BCAS3: variants seen among roughly 807,000 people sequenced by gnomAD.
The protein encoded by BCAS3 is BCAS4/BCAS3 fusion.
Under a neutral mutation model 116.1 loss-of-function variants are expected in BCAS3, and 53 were observed. The observed-to-expected ratio is 0.46, with a 90% confidence interval of 0.37 to 0.57. BCAS3 has a LOEUF of 0.57. BCAS3 is among the 20% of genes least tolerant of loss of function. The pLI is 0.00. For missense variants in BCAS3, 917 were observed against 1,165.4 expected, an observed-to-expected ratio of 0.79 and a Z score of 3.10; for synonymous variants, 391 against 408.2, an observed-to-expected ratio of 0.96 and a Z score of 0.51.
At chr17:60,864,617 ACTTT>A (rs1369084526) in intron 7 of BCAS3, among the ~76,000 whole-genome samples, 3 of 152,152 alleles carry the variant, frequency 2.0e-5, no homozygotes, top group African/African-American at 7.2e-5. Flanking sequence ...AGCCTGTTTC[ACTTT>A]CTTCTCATTC....
At chr17:61,351,042 T>A (rs933765804) in intron 22 of BCAS3, among the ~76,000 whole-genome samples, 1 of 152,242 alleles carries the variant, frequency 6.6e-6, no homozygotes, top group African/African-American at 2.4e-5. Context: ...AGACCCATCA[T>A]ACGTACTTCA....
intron 22 of BCAS3, among the ~76,000 whole-genome samples, chr17:61,167,533 T>A (rs1349758365): frequency 6.6e-6 from 1 of 152,174 alleles, no homozygotes; most frequent in Non-Finnish European, 1.5e-5. Flanking sequence ...TCTGACACAA[T>A]CTAGCAGATG....
rs573433191 is a variant in BCAS3 at position 61,333,798 on chromosome 17, T to G, written c.2426-34529T>G. Among the ~76,000 whole-genome samples, 4 of 151,940 alleles carry G rather than the reference T, an allele frequency of 2.6e-5. No homozygotes were observed. In the East Asian group the frequency reaches 7.8e-4, roughly 30 times the overall value. On this transcript the variant is annotated intron_variant, in intron 22 of 23. Transcript: ENST00000407086. The surrounding 1 kb of genome is among the most constrained non-coding windows in gnomAD (Gnocchi z 4.8). Reference sequence around the variant, plus strand: ...ACCACACCCAGCTCATTTTTATATTTTCAGTAAAATGGGGTTTCACCATGT... The same window carrying G: ...ACCACACCCAGCTCATTTTTATATTGTCAGTAAAATGGGGTTTCACCATGT...
At chr17:61,334,176 T>G (rs902164311) in intron 22 of BCAS3, among the ~76,000 whole-genome samples, 2 of 152,140 alleles carry the variant, frequency 1.3e-5, no homozygotes, top group Non-Finnish European at 2.9e-5. Context: ...TGAGCTCATG[T>G]CAAAGCCATC....
intron 14 of BCAS3, among the ~76,000 whole-genome samples, chr17:60,989,065 AT>A (rs1479670547): frequency 6.6e-6 from 1 of 151,442 alleles, no homozygotes; most frequent in African/African-American, 2.4e-5. Context: ...CCATATATAT[AT>A]TTTCATGTTA....
intron 22 of BCAS3, among the ~76,000 whole-genome samples, chr17:61,310,017 G>A (rs2054171848): frequency 6.6e-6 from 1 of 152,230 alleles, no homozygotes. Context: ...TCCCAGCCAT[G>A]TGGCAAGAAT....
intron 7 of BCAS3, among the ~76,000 whole-genome samples, chr17:60,811,858 G>A (rs2048858365): frequency 6.6e-6 from 1 of 152,220 alleles, no homozygotes; most frequent in South Asian, 2.1e-4. Context: ...GAGCAGCCTG[G>A]GCAACATGGT....
chr17:61,075,319 A>G (rs554949050), intron 20 of BCAS3, among the ~76,000 whole-genome samples: 4 of 152,010 alleles, frequency 2.6e-5, no homozygotes, highest in African/African-American at 7.2e-5. Context: ...GAATCAATTA[A>G]TTTATTAATT....
At chr17:60,799,815 C>T (rs1212330700) in intron 6 of BCAS3, among the ~76,000 whole-genome samples, 1 of 146,414 alleles carries the variant, frequency 6.8e-6, no homozygotes, top group Non-Finnish European at 1.5e-5. Context: ...CTCGGCCTCC[C>T]AAAGTGCTGG....
At chr17:61,242,789 T>C (rs932759651) in intron 22 of BCAS3, among the ~76,000 whole-genome samples, 2 of 152,086 alleles carry the variant, frequency 1.3e-5, no homozygotes, top group Admixed American at 6.6e-5. Flanking sequence ...TAAAGATTAT[T>C]GCCTCCTTCA....
In BCAS3 at chr17:61,365,723, A is replaced by C. The variant is rs950786491; in HGVS notation, c.2426-2604A>C. Among the ~76,000 whole-genome samples, 3 of 152,190 alleles carry C rather than the reference A, an allele frequency of 2.0e-5. No individual in the cohort carries two copies. Among genetic ancestry groups the C allele is most frequent in the African/African-American group, 7.2e-5 (3 of 41,438 alleles). ...CCCACCTGCCTTGACCTCTGAACAC[A>C]GTAATGCAAACATTAACTGAGCTCC... On this transcript the variant is annotated intron_variant, in intron 22 of 23. Transcript: ENST00000407086. The surrounding 1 kb of genome is among the most constrained non-coding windows in gnomAD (Gnocchi z 4.6).
intron 12 of BCAS3, among the ~76,000 whole-genome samples, chr17:60,913,219 TTAAAAGTTAAGAATC>T (rs1319865262): frequency 6.6e-6 from 1 of 152,096 alleles, no homozygotes; most frequent in East Asian, 1.9e-4. Context: ...ATGTTAACTT[TTAAAAGTTAAGAATC>T]TTAAATGTTG....
intron 22 of BCAS3, among the ~76,000 whole-genome samples, chr17:61,184,389 G>A (rs889970564): frequency 6.6e-6 from 1 of 152,070 alleles, no homozygotes; most frequent in African/African-American, 2.4e-5. Flanking sequence ...TCTGTCATTA[G>A]TCATTGGGGA....
In BCAS3 at chr17:60,953,254, T is replaced by C. The variant is rs185522521; in HGVS notation, c.1221+5902T>C. ...AACAGTGTATAAGCGTTCCCTTTTC[T>C]CCACAACCTAAGGAGCATCTGTTAT... is the stretch of plus-strand genomic sequence containing the variant. On this transcript the variant is annotated intron_variant, in intron 14 of 23. Transcript: ENST00000407086. 1.1e-3 allele frequency among the ~76,000 whole-genome samples: 173 copies of C among 152,318 alleles called. 1 individual carries two copies. Among genetic ancestry groups the C allele is most frequent in the African/African-American group, 4.0e-3 (166 of 41,564 alleles).
chr17:60,792,062 G>A (rs1171434416), intron 6 of BCAS3, among the ~76,000 whole-genome samples: 3 of 152,330 alleles, frequency 2.0e-5, no homozygotes, highest in East Asian at 3.9e-4. Context: ...GGTGGAGGTT[G>A]CAGTGAGCCG....
rs2070537626 is a variant in BCAS3, at chr17:61,065,697, G to A, written c.2030-9223G>A. On this transcript the variant is annotated intron_variant, in intron 19 of 23. Transcript: ENST00000407086. The surrounding 1 kb of genome is among the most constrained non-coding windows in gnomAD (Gnocchi z 4.8). ...GTTTTATTGTTTGTGGAGGAAGGGT[G>A]GGGATATGGTAAAGAGTAGGAGAAA... 6.6e-6 allele frequency among the ~76,000 whole-genome samples: 1 copy of A among 152,152 alleles called. No individual in the cohort carries two copies. Among genetic ancestry groups the A allele is most frequent in the South Asian group, 2.1e-4 (1 of 4,822 alleles).
chr17:60,764,437 C>A (rs539308666), intron 6 of BCAS3, among the ~76,000 whole-genome samples: 9 of 152,078 alleles, frequency 5.9e-5, no homozygotes, highest in Non-Finnish European at 1.2e-4. Flanking sequence ...TTATTTCTGC[C>A]TTCATTTAGT....
chr17:61,299,579 C>G (rs1287889128), intron 22 of BCAS3, among the ~76,000 whole-genome samples: 1 of 151,966 alleles, frequency 6.6e-6, no homozygotes, highest in Admixed American at 6.6e-5. Context: ...GTTCATTGCC[C>G]AAAGAATCTC....
rs1351344975 is a variant in BCAS3 at position 61,352,953 on chromosome 17, T to C, written c.2426-15374T>C. Among the ~76,000 whole-genome samples, 2 of 152,220 alleles carry C rather than the reference T, an allele frequency of 1.3e-5. No individual in the cohort carries two copies. The highest frequency in any genetic ancestry group is 2.9e-5 in the Non-Finnish European group (2 of 68,040). On this transcript the variant is annotated intron_variant, in intron 22 of 23. Transcript: ENST00000407086. The surrounding 1 kb of genome is among the most constrained non-coding windows in gnomAD (Gnocchi z 4.7). Reference sequence around the variant, plus strand: ...TGTTAACCCCCGTCGCTGGAACTCATGTTAATGCCTAACACAAGGCTGGGA... The same window carrying C: ...TGTTAACCCCCGTCGCTGGAACTCACGTTAATGCCTAACACAAGGCTGGGA...
Sources: allele counts gnomAD v4.1 joint callset (sites outside exome capture counted in the v4.1 genomes callset), GRCh38; gene constraint gnomAD v4.1.1; non-coding constraint Gnocchi (gnomAD v3.1); transcripts MANE v1.5; gene names NCBI Gene and HGNC (gene_info 2026-07-23, HGNC 2026-07-21).